The following SH3TC1 variants were observed in gnomAD, a reference collection of about 807,000 sequenced individuals.
SH3TC1 encodes the protein SH3 domain and tetratricopeptide repeats 1.
In SH3TC1, 135 loss-of-function variants were observed where a neutral mutation model predicts 117.3. That is an observed-to-expected ratio of 1.15 (90% CI 1.00 to 1.33). SH3TC1 has a LOEUF of 1.33. Ranked by LOEUF, SH3TC1 falls within the 40% of genes most tolerant of loss-of-function variation. SH3TC1 has a pLI of 0.00. For missense variants in SH3TC1, 2,092 were observed against 1,794.3 expected (o/e 1.17, Z -3.00); for synonymous variants, 898 against 816.9 (o/e 1.10, Z -1.69).
Position 8,237,466 on chromosome 4 carries a change from C to G in SH3TC1, c.3557-8C>G. 1 of 1,538,584 alleles carries G rather than the reference C, an allele frequency of 6.5e-7. No homozygotes were observed. The highest frequency in any genetic ancestry group is 8.7e-7 in the Non-Finnish European group (1 of 1,144,840). ...TCCTCACACCTGCCCCCTTGGCCTG[C>G]ACCCCAGGGGACCGGCTGAACGAGC... is the stretch of plus-strand genomic sequence containing the variant. On this transcript the variant is annotated splice_polypyrimidine_tract_variant and splice_region_variant and intron_variant, in intron 16 of 17. Transcript: ENST00000245105.
In SH3TC1 at chr4:8,205,693, C is replaced by A. The variant is rs1319416598; in HGVS notation, c.172+327C>A. 2.8e-6 allele frequency: 2 copies of A among 727,214 alleles called. No homozygotes were observed. Among genetic ancestry groups the A allele is most frequent in the African/African-American group, 3.4e-5 (2 of 58,314 alleles). 45.0% of individuals were successfully genotyped at this position (727,214 alleles called of 1,614,324 possible). A position where few individuals can be genotyped will look rare whatever the true frequency, so the allele number is the denominator to read the frequency against. On this transcript the variant is annotated intron_variant, in intron 2 of 17. Transcript: ENST00000245105. The surrounding 1 kb of genome is among the most constrained non-coding windows in gnomAD (Gnocchi z 5.4). ...CCAGAAACAGTCCGATGGGTTTGGC[C>A]TTGGAACCCCTGAGAGTCCTCAGGA...
At chr4:8,233,627 C>T in intron 14 of SH3TC1, 114 bp downstream of exon 14, 1 of 1,270,800 alleles carries the variant, frequency 7.9e-7, no homozygotes, top group Non-Finnish European at 1.0e-6. Context: ...TTTACCTGTT[C>T]ATCCTTCCTT....
rs1402342114 is a variant in SH3TC1, at chr4:8,233,249, A to C, written c.3132-114A>C. The stretch of plus-strand genomic sequence containing the variant: ...GGAAGGGCAGGACACTGCACACACA[A>C]GAGGGCCGTTCCCAGTCCCATTCCA... On this transcript the variant is annotated intron_variant, in intron 13 of 17. Transcript: ENST00000245105. 6.1e-6 allele frequency: 9 copies of C among 1,470,596 alleles called. No homozygotes were observed. In the African/African-American group the frequency reaches 7.1e-5, roughly 12 times the overall value. 91.1% of individuals were successfully genotyped at this position (1,470,596 alleles called of 1,614,324 possible).
At position 8,233,508 on chromosome 4, in the gene SH3TC1, A is replaced by C. The variant is rs1452210854; in HGVS notation, c.3277A>C (p.Ile1093Leu). ...GCAGAGCGAGCTGGTGGACCTCTACATCCAGGTGAGTGATGAGGGATGCAG... is the reference window on the plus strand; with the variant it reads ...GCAGAGCGAGCTGGTGGACCTCTACCTCCAGGTGAGTGATGAGGGATGCAG... ...LRQSELVDLY[I>L]QVAQNVALYT... The change falls in exon 14 of 18, where the codon ATC becomes CTC. Residue 1093 changes from isoleucine to leucine, a missense_variant. Transcript: ENST00000245105. 1 of 1,608,946 alleles carries C rather than the reference A, an allele frequency of 6.2e-7. No homozygotes were observed. Among genetic ancestry groups the C allele is most frequent in the South Asian group, 1.1e-5 (1 of 90,192 alleles).
chr4:8,233,228 G>C, intron 13 of SH3TC1, 135 bp from the exon 14 acceptor site: 1 of 1,436,524 alleles, frequency 7.0e-7, no homozygotes, highest in Non-Finnish European at 9.1e-7. Context: ...AGCCCGGGAA[G>C]GGCAGGACAC....
Position 8,236,335 on chromosome 4 carries a change from T to C in SH3TC1, c.3463T>C (p.Cys1155Arg). The C allele has an allele frequency of 1.3e-6, 2 of 1,552,864 alleles. No individual in the cohort carries two copies. Among genetic ancestry groups the C allele is most frequent in the Non-Finnish European group, 1.7e-6 (2 of 1,148,644 alleles). ...TGNRKAELRL[C>R]NKLVALLATL... ...CAACCGCAAGGCGGAGCTGCGGCTG[T>C]GCAACAAGCTGGTGGCACTGCTGGC... The change falls in exon 16 of 18, where the codon TGC becomes CGC. Residue 1155 changes from cysteine to arginine, a missense_variant. Transcript: ENST00000245105.
At chr4:8,202,563 G>T (rs1015884238) in intron 1 of SH3TC1, among the ~76,000 whole-genome samples, 2 of 152,208 alleles carry the variant, frequency 1.3e-5, no homozygotes, top group South Asian at 2.1e-4. Context: ...TGGTTGGGGG[G>T]TGGGAAGGAT....
intron 17 of SH3TC1, 61 bp from the exon 18 acceptor site, chr4:8,240,637 C>A (rs924648291): frequency 5.0e-6 from 8 of 1,598,680 alleles, no homozygotes; most frequent in Non-Finnish European, 6.8e-6. Context: ...GGCACAGGAA[C>A]GGCCTCTGGG....
chr4:8,208,171 G>A (rs759111663), intron 2 of SH3TC1, among the ~76,000 whole-genome samples: 2 of 152,160 alleles, frequency 1.3e-5, no homozygotes, highest in African/African-American at 2.4e-5. Context: ...TGAGCCAGGG[G>A]CTCAGATCTT....
At chr4:8,236,112 C>T in intron 15 of SH3TC1, 166 bp from the exon 16 acceptor site, 3 of 861,036 alleles carry the variant, frequency 3.5e-6, no homozygotes, top group South Asian at 1.9e-5. Flanking sequence ...CTCTTCAGCC[C>T]CTAGCTTGGG....
upstream of SH3TC1, among the ~76,000 whole-genome samples, chr4:8,199,067 G>A (rs1479762661): frequency 1.3e-5 from 2 of 152,232 alleles, no homozygotes; most frequent in South Asian, 2.1e-4. Flanking sequence ...GGTGCCCCTA[G>A]CCTCTACTAC....
chr4:8,222,704 C>A (rs901050851), intron 9 of SH3TC1, 136 bp from the exon 10 acceptor site: 28 of 1,079,794 alleles, frequency 2.6e-5, no homozygotes, highest in South Asian at 1.5e-4. Context: ...GTTTTTAAAT[C>A]TCTGTCTCTA....
In SH3TC1 at chr4:8,206,618, C is replaced by T. The variant is rs958983076; in HGVS notation, c.172+1252C>T. On this transcript the variant is annotated intron_variant, in intron 2 of 17. Transcript: ENST00000245105. The surrounding 1 kb of genome is among the most constrained non-coding windows in gnomAD (Gnocchi z 5.5). ...CTCCCTGGAGTGAATCTCTGTGGAC[C>T]GAGCGGAGGGGAGCTGAGGAAACTT... Among the ~76,000 whole-genome samples the T allele has an allele frequency of 2.6e-5, 4 of 151,742 alleles. No individual in the cohort carries two copies. Among genetic ancestry groups the T allele is most frequent in the Non-Finnish European group, 5.9e-5 (4 of 67,946 alleles).
chr4:8,197,455 C>T (rs1371068437), upstream of SH3TC1, among the ~76,000 whole-genome samples: 6 of 152,248 alleles, frequency 3.9e-5, no homozygotes, highest in Admixed American at 3.9e-4. Flanking sequence ...GCAGCCGGGG[C>T]TGGGGAGCCG....
chr4:8,233,536 G>C, intron 14 of SH3TC1, 23 bp downstream of exon 14: 3 of 1,588,014 alleles, frequency 1.9e-6, no homozygotes, highest in African/African-American at 1.3e-5. Flanking sequence ...GGATGCAGGA[G>C]GGCCTCTGCA....
Position 8,219,496 on chromosome 4 carries a change from A to G in SH3TC1, c.1078A>G (p.Ser360Gly). The change falls in exon 9 of 18, where the codon AGC (serine) becomes GGC (glycine). Residue 360 changes from serine (S) to glycine (G), a missense_variant. By Grantham distance (56) the Ser-to-Gly change is moderately conservative. Transcript: ENST00000245105. Reference protein sequence around the residue: ...AASGRVGFVRSSLISMQGPVS... With the variant: ...AASGRVGFVRGSLISMQGPVS... ...CTCGGGCCGGGTGGGGTTTGTGCGG[A>G]GCAGCCTCATCAGCATGCAGGGCCC... 2 of 1,592,178 alleles carry G rather than the reference A, an allele frequency of 1.3e-6. No homozygotes were observed. The highest frequency in any genetic ancestry group is 1.7e-6 in the Non-Finnish European group (2 of 1,165,408).
intron 7 of SH3TC1, among the ~76,000 whole-genome samples, chr4:8,217,698 C>A (rs781409359): frequency 6.6e-6 from 1 of 152,214 alleles, no homozygotes; most frequent in Non-Finnish European, 1.5e-5. Flanking sequence ...ATTACTGAGA[C>A]CCAAGAGGAG....
rs981408003 is a variant in SH3TC1, at chr4:8,186,681, C to T, written c.-57+4471C>T. Reference sequence around the variant, plus strand: ...CCTTGAGGCTGGGTGCGGTGGCTCACGCCTGTAATCCCAGCACTTTGGGAG... The same window carrying T: ...CCTTGAGGCTGGGTGCGGTGGCTCATGCCTGTAATCCCAGCACTTTGGGAG... On this transcript the variant is annotated intron_variant, in intron 1 of 16. Coordinates refer to the SH3TC1 transcript ENST00000508641. The surrounding 1 kb of genome is among the most constrained non-coding windows in gnomAD (Gnocchi z 5.2). 6.6e-6 allele frequency among the ~76,000 whole-genome samples: 1 copy of T among 152,148 alleles called. No homozygotes were observed. The highest frequency in any genetic ancestry group is 1.5e-5 in the Non-Finnish European group (1 of 68,030).
At chr4:8,232,274 T>C (rs1721306493) in intron 13 of SH3TC1, 118 bp downstream of exon 13, 2 of 1,399,922 alleles carry the variant, frequency 1.4e-6, no homozygotes, top group East Asian at 5.1e-5. Flanking sequence ...GATCATTTGG[T>C]TCCTTGGCAT....
Sources: gnomAD v4.1 joint callset for allele counts (sites outside exome capture counted in the v4.1 genomes callset) on GRCh38, gnomAD v4.1.1 for gene constraint, Gnocchi (gnomAD v3.1) non-coding constraint, MANE v1.5 for transcripts, NCBI Gene and HGNC (gene_info 2026-07-23, HGNC 2026-07-21) for gene names.